NKD1: variants seen among roughly 807,000 people sequenced by gnomAD.
The protein encoded by NKD1 is protein naked cuticle homolog 1.
NKD1 carries 21 observed loss-of-function variants against 56.0 expected under a neutral mutation model. The observed-to-expected ratio is 0.38, with a 90% CI of 0.27 to 0.54. The LOEUF (loss-of-function observed/expected upper bound fraction) is 0.54, where lower values mean the gene tolerates loss of function less well. Among genes scored for constraint, NKD1 ranks in the 20% least tolerant of loss-of-function variants. The pLI is 0.82. For missense variants in NKD1, 578 were observed against 642.7 expected, an observed-to-expected ratio of 0.90 and a Z score of 1.09; for synonymous variants, 263 against 265.7, an observed-to-expected ratio of 0.99 and a Z score of 0.10.
intron 4 of NKD1, among the ~76,000 whole-genome samples, chr16:50,614,891 G>T (rs908257674): frequency 1.3e-5 from 2 of 152,120 alleles, no homozygotes; most frequent in Non-Finnish European, 2.9e-5. Flanking sequence ...ACTTGGAAAG[G>T]GCCCGTGTAG....
chr16:50,606,701 C>T (rs1056781267), intron 3 of NKD1: 9 of 434,668 alleles, frequency 2.1e-5, no homozygotes, highest in Middle Eastern at 3.4e-4. Flanking sequence ...TGCTGTCACC[C>T]GGCTGCAGTG....
At chr16:50,561,067 T>C (rs1023699548) in intron 3 of NKD1, among the ~76,000 whole-genome samples, 2 of 152,256 alleles carry the variant, frequency 1.3e-5, no homozygotes, top group African/African-American at 2.4e-5. Context: ...TGTTGACTTT[T>C]GGGCCTGGGT....
intron 3 of NKD1, among the ~76,000 whole-genome samples, chr16:50,562,986 A>ACCACCCCCCCCCCCCCCCCCCCC (rs1376803515): frequency 1.7e-5 from 1 of 60,410 alleles, no homozygotes; most frequent in African/African-American, 9.4e-5. Context: ...TCCCACCACC[A>ACCACCCCCCCCCCCCCCCCCCCC]CCCCCCCCCC....
At chr16:50,571,691 T>C (rs1960887369) in intron 3 of NKD1, 1 of 218,144 alleles carries the variant, frequency 4.6e-6, no homozygotes, top group Admixed American at 6.5e-5. Flanking sequence ...ATTTGCCCAC[T>C]GCTCACCATG....
intron 4 of NKD1, among the ~76,000 whole-genome samples, chr16:50,609,033 C>T (rs1474054558): frequency 6.6e-6 from 1 of 152,214 alleles, no homozygotes; most frequent in Non-Finnish European, 1.5e-5. Context: ...CTATGTTGTC[C>T]AGACTGGTCT....
intron 2 of NKD1, among the ~76,000 whole-genome samples, 193 bp from the exon 3 acceptor site, chr16:50,549,225 CCTCG>C (rs1368710440): frequency 6.6e-6 from 1 of 151,512 alleles, no homozygotes; most frequent in African/African-American, 2.4e-5. Context: ...CCTTCTGGCT[CCTCG>C]CTCCTAGGGC....
chr16:50,590,409 A>G (rs1212298612), intron 3 of NKD1, among the ~76,000 whole-genome samples: 1 of 152,272 alleles, frequency 6.6e-6, no homozygotes, highest in Non-Finnish European at 1.5e-5. Context: ...AAAGATGTTT[A>G]GAAACAGTCA....
chr16:50,610,125 G>A (rs562430757), intron 4 of NKD1, among the ~76,000 whole-genome samples: 222 of 152,322 alleles, frequency 1.5e-3, no homozygotes, highest in Non-Finnish European at 1.7e-3. Context: ...GAGCTCATGA[G>A]TTCAAGACCA....
chr16:50,553,579 AG>A (rs1358863031), intron 3 of NKD1: 2 of 152,224 alleles, frequency 1.3e-5, no homozygotes, highest in Non-Finnish European at 2.9e-5. Context: ...CCAGATTCCA[AG>A]GGAATTACCC....
chr16:50,550,173 C>A (rs559788372), intron 3 of NKD1, among the ~76,000 whole-genome samples: 1 of 151,888 alleles, frequency 6.6e-6, no homozygotes, highest in South Asian at 2.1e-4. Context: ...GGCTGGAGTT[C>A]CTGGAGGAGC....
chr16:50,548,755 G>A lies in NKD1; in HGVS notation c.58+6G>A. ...GCGCAGGGAGAGCCCGGAAGGTAGG[G>A]GCGCGCGGGGCGCAGACCTCGGGGA... On this transcript the variant is annotated splice_donor_region_variant and intron_variant, in intron 2 of 9. Transcript: ENST00000268459. The A allele has an allele frequency of 1.4e-6, 2 of 1,414,638 alleles. No homozygotes were observed. Among genetic ancestry groups the A allele is most frequent in the Non-Finnish European group, 1.8e-6 (2 of 1,095,832 alleles). 87.6% of individuals were successfully genotyped at this position (1,414,638 alleles called of 1,614,324 possible). A position where few individuals can be genotyped will look rare whatever the true frequency, so the allele number is the denominator to read the frequency against.
rs1210625920 is a variant in NKD1, at chr16:50,639,539, C to T, written c.*5758C>T. The T allele has an allele frequency of 6.6e-6, 1 of 152,238 alleles. No homozygotes were observed. The highest frequency in any genetic ancestry group is 1.5e-5 in the Non-Finnish European group (1 of 68,072). The allele number at this position is 152,238 out of a possible 1,614,324, so 9.4% of individuals were successfully genotyped here. The stretch of plus-strand genomic sequence containing the variant: ...GGTAGGGGAGACAGAGACAGCTCCA[C>T]CTGCCCCCTGCCCCACCGGGGACCT... On this transcript the variant is annotated 3_prime_UTR_variant, in exon 10 of 10. Transcript: ENST00000268459.
intron 3 of NKD1, among the ~76,000 whole-genome samples, chr16:50,580,347 C>G (rs1961091156): frequency 6.6e-6 from 1 of 152,260 alleles, no homozygotes; most frequent in Non-Finnish European, 1.5e-5. Context: ...AGGCGAGGGC[C>G]CAGTGCTTAG....
chr16:50,582,663 A>G (rs1415008262), intron 3 of NKD1, among the ~76,000 whole-genome samples: 6 of 152,230 alleles, frequency 3.9e-5, no homozygotes, highest in Admixed American at 1.3e-4. Flanking sequence ...TACTCAATGC[A>G]TATGCTGCAG....
intron 3 of NKD1, among the ~76,000 whole-genome samples, chr16:50,583,807 A>G (rs1961169883): frequency 6.6e-6 from 1 of 152,212 alleles, no homozygotes; most frequent in African/African-American, 2.4e-5. Context: ...TGGAGCGAGT[A>G]GAGTTGTGAC....
intron 3 of NKD1, chr16:50,574,674 C>A: frequency 1.0e-6 from 1 of 985,408 alleles, no homozygotes; most frequent in Non-Finnish European, 1.2e-6. Flanking sequence ...CTCCCCACCT[C>A]CTTGCCTCGT....
Position 50,633,123 on chromosome 16 carries a change from G to A in NKD1, c.824-69G>A. The A allele has an allele frequency of 7.0e-7, 1 of 1,424,360 alleles. No individual in the cohort carries two copies. Among genetic ancestry groups the A allele is most frequent in the Non-Finnish European group, 9.5e-7 (1 of 1,056,728 alleles). The allele number at this position is 1,424,360 out of a possible 1,614,324, so 88.2% of individuals were successfully genotyped here. A position where few individuals can be genotyped will look rare whatever the true frequency, so the allele number is the denominator to read the frequency against. The stretch of plus-strand genomic sequence containing the variant: ...TTGGAGAACTGGGGGCGGGGGTGAT[G>A]TCTGGGGTATAGCGCAAGCCCCAGC... On this transcript the variant is annotated intron_variant, in intron 9 of 9. Transcript: ENST00000268459. This position sits in a 1 kb window ranked among gnomAD's most constrained non-coding sequence, Gnocchi z 4.9.
intron 3 of NKD1, among the ~76,000 whole-genome samples, chr16:50,555,111 C>T (rs188074933): frequency 3.5e-4 from 54 of 152,150 alleles, no homozygotes; most frequent in Admixed American, 9.8e-4. Flanking sequence ...CAGGATGGGC[C>T]GCTGAGGCTG....
At chr16:50,573,074 G>A (rs1274304930) in intron 3 of NKD1, 1 of 155,406 alleles carries the variant, frequency 6.4e-6, no homozygotes, top group Non-Finnish European at 1.4e-5. Flanking sequence ...TCCTGGAGTT[G>A]GTGTGTGAAT....
Sources: allele counts gnomAD v4.1 joint callset (sites outside exome capture counted in the v4.1 genomes callset), GRCh38; gene constraint gnomAD v4.1.1; non-coding constraint Gnocchi (gnomAD v3.1); transcripts MANE v1.5; gene names NCBI Gene and HGNC (gene_info 2026-07-23, HGNC 2026-07-21).